The following DYNC1H1 variants were observed in gnomAD, a reference collection of about 807,000 sequenced individuals.
DYNC1H1 encodes the protein dynein cytoplasmic 1 heavy chain 1, also known as cytoplasmic dynein 1 heavy chain 1.
In DYNC1H1, 51 loss-of-function variants were observed where a neutral mutation model predicts 527.1. That is an observed-to-expected ratio of 0.10 (90% confidence interval 0.08 to 0.12). DYNC1H1 has a LOEUF of 0.12. Ranked by LOEUF, DYNC1H1 falls within the 10% of genes least tolerant of loss-of-function variation. The pLI is 1.00. For synonymous variants in DYNC1H1, 2,189 were observed against 2,278.8 expected, an observed-to-expected ratio of 0.96 and a Z score of 1.12; for missense variants, 2,771 against 5,971.8, an observed-to-expected ratio of 0.46 and a Z score of 17.66.
rs1272077310 is a variant in DYNC1H1 at position 101,995,291 on chromosome 14, G to A, written c.3555G>A (p.Lys1185=). Residue 1185 remains lysine, a synonymous_variant, in exon 15 of 78, where the codon AAG becomes AAA. Coordinates refer to ENST00000360184, the MANE Select transcript of DYNC1H1 (RefSeq NM_001376.5). ...AACGGAAGATCAAGCAGTTTGAGAA[G>A]CAAGTTGAGGTGAGCTCTGTGCATA... ...SLKRKIKQFE[K]QVELYRNGQR... is the part of the protein sequence containing the mutation. The A allele has an allele frequency of 1.2e-6, 2 of 1,614,096 alleles. No individual in the cohort carries two copies. Among genetic ancestry groups the A allele is most frequent in the South Asian group, 1.1e-5 (1 of 91,092 alleles).
rs1263873412 is a variant in DYNC1H1 at position 102,052,997 on chromosome 14, A to G, written c.*2434A>G. 1 of 152,186 alleles carries G rather than the reference A, an allele frequency of 6.6e-6. No homozygotes were observed. Among genetic ancestry groups the G allele is most frequent in the African/African-American group, 2.4e-5 (1 of 41,454 alleles). The allele number at this position is 152,186 out of a possible 1,614,324, so 9.4% of individuals were successfully genotyped here. On this transcript the variant is annotated 3_prime_UTR_variant, in exon 78 of 78. Coordinates refer to ENST00000360184, the MANE Select transcript of DYNC1H1 (RefSeq NM_001376.5). ...TTCCGAATCGCCATCATAAAGATCT[A>G]AAAGCTGAGGACAAAAGTGTTTCTC...
In DYNC1H1 at chr14:102,048,834, A is replaced by AGGG; in HGVS notation, c.13372+166_13372+167insGGG. On this transcript the variant is annotated intron_variant, in intron 74 of 77. Coordinates refer to ENST00000360184, the MANE Select transcript of DYNC1H1 (RefSeq NM_001376.5). ...TCAAGGTGGGCGGGGGGAGGGGAGG[A>AGGG]GCTTAGAAATGCTGAAGAATTTGTT... The AGGG allele has an allele frequency of 5.2e-6, 3 of 574,302 alleles. No individual in the cohort carries two copies. In the African/African-American group the frequency reaches 6.7e-5, roughly 13 times the overall value. The allele number at this position is 574,302 out of a possible 1,614,324, so 35.6% of individuals were successfully genotyped here. A position where few individuals can be genotyped will look rare whatever the true frequency, so the allele number is the denominator to read the frequency against.
intron 5 of DYNC1H1, among the ~76,000 whole-genome samples, chr14:101,981,774 T>C (rs1204441288): frequency 1.3e-5 from 2 of 152,216 alleles, no homozygotes; most frequent in Non-Finnish European, 2.9e-5. Flanking sequence ...TTCCTAATAC[T>C]TTTTTTGATC....
At position 102,009,873 on chromosome 14, in the gene DYNC1H1, A is replaced by G; in HGVS notation, c.6008A>G (p.Asn2003Ser). ...TSAPITCELL[N>S]KQVKVSPDMA... ...GCCCCCATTACTTGTGAGCTGCTGA[A>G]CAAACAAGTCAAGGTGAGCCCGGAC... Residue 2003 changes from asparagine to serine, a missense_variant, in exon 30 of 78, where the codon AAC becomes AGC. Physicochemically the swap from Asn to Ser is conservative, Grantham distance 46. Around this residue, in one of 32 missense-constraint regions of DYNC1H1, gnomAD observed 39 missense variants for 38.8 expected, o/e 1.00. Coordinates refer to ENST00000360184, the MANE Select transcript of DYNC1H1 (RefSeq NM_001376.5). The G allele has an allele frequency of 6.2e-7, 1 of 1,614,140 alleles. No individual in the cohort carries two copies. Among genetic ancestry groups the G allele is most frequent in the Non-Finnish European group, 8.5e-7 (1 of 1,180,016 alleles).
intron 43 of DYNC1H1, 135 bp downstream of exon 43, chr14:102,023,015 C>G (rs2048404321): frequency 1.4e-6 from 2 of 1,404,012 alleles, no homozygotes; most frequent in East Asian, 5.1e-5. Context: ...GTAATCCCAG[C>G]ACTTTGGGAG....
chr14:102,010,909 C>T lies in DYNC1H1; in HGVS notation c.6575C>T (p.Thr2192Ile), dbSNP rs749317390. ...AAAGTGTGTCAGGAGATGTATTTGA[C>T]ATATGGAGATGGAGAAGAAGTTGGT... The part of the protein sequence containing the change: ...LKKVCQEMYL[T>I]YGDGEEVGGM... The change falls in exon 32 of 78, where the codon ACA (threonine) becomes ATA (isoleucine). Residue 2192 changes from threonine (T) to isoleucine (I), a missense_variant. Thr to Ile is a moderately conservative substitution (Grantham distance 89). Around this residue, in one of 32 missense-constraint regions of DYNC1H1, gnomAD observed 56 missense variants for 140.6 expected, o/e 0.40. Transcript: ENST00000360184. The surrounding 1 kb of genome is among the most constrained non-coding windows in gnomAD (Gnocchi z 6.0). 7 of 1,614,218 alleles carry T rather than the reference C, an allele frequency of 4.3e-6. No individual in the cohort carries two copies. The East Asian group carries it at 1.6e-4, about 36-fold the overall frequency.
At position 102,052,769 on chromosome 14, in the gene DYNC1H1, G is replaced by C. The variant is rs561632769; in HGVS notation, c.*2206G>C. ...CCTCCTCCGCCATCCTCGAGTCCTCGGGCTACGTGCCCTCATCTTTGGCTT... is the reference window on the plus strand; with the variant it reads ...CCTCCTCCGCCATCCTCGAGTCCTCCGGCTACGTGCCCTCATCTTTGGCTT... On this transcript the variant is annotated 3_prime_UTR_variant, in exon 78 of 78. Transcript: ENST00000360184. 1 of 152,378 alleles carries C rather than the reference G, an allele frequency of 6.6e-6. No individual in the cohort carries two copies. Among genetic ancestry groups the C allele is most frequent in the South Asian group, 2.1e-4 (1 of 4,826 alleles). 9.4% of individuals were successfully genotyped at this position (152,378 alleles called of 1,614,324 possible). A position where few individuals can be genotyped will look rare whatever the true frequency, so the allele number is the denominator to read the frequency against.
rs1317442240 is a variant in DYNC1H1, at chr14:102,054,663, A to G, written c.*4100A>G. The G allele has an allele frequency of 6.7e-6, 1 of 150,102 alleles. No individual in the cohort carries two copies. The highest frequency in any genetic ancestry group is 1.5e-5 in the Non-Finnish European group (1 of 67,848). The allele number at this position is 150,102 out of a possible 1,614,324, so 9.3% of individuals were successfully genotyped here. On this transcript the variant is annotated 3_prime_UTR_variant, in exon 78 of 78. Coordinates refer to ENST00000360184, the MANE Select transcript of DYNC1H1 (RefSeq NM_001376.5). The stretch of plus-strand genomic sequence containing the variant: ...GGCTGACTGCAACCTCCGCCTCCCA[A>G]GTTCAAATGATTCTCCTACCTCAGC...
In DYNC1H1 at chr14:102,018,523, C is replaced by T. The variant is rs759096399; in HGVS notation, c.8250C>T (p.Thr2750=). 2 of 1,614,144 alleles carry T rather than the reference C, an allele frequency of 1.2e-6. No homozygotes were observed. Among genetic ancestry groups the T allele is most frequent in the Admixed American group, 1.7e-5 (1 of 60,032 alleles). ...GPASLTQIYG[T]FNRAMLRLIP... is the part of the protein sequence containing the mutation. ...CCTCCCTCACACAGATCTACGGCAC[C>T]TTCAACCGCGCCATGCTGAGGCTCA... Residue 2750 remains threonine (T), a synonymous_variant, in exon 41 of 78, where the codon ACC becomes ACT. Transcript: ENST00000360184. This position sits in a 1 kb window ranked among gnomAD's most constrained non-coding sequence, Gnocchi z 5.2.
At chr14:101,977,874 T>C (rs17511942) in intron 2 of DYNC1H1, among the ~76,000 whole-genome samples, 14,697 of 152,262 alleles carry the variant, frequency 0.097, 1,263 homozygotes, top group East Asian at 0.23. Context: ...TTTACAGTTA[T>C]ATGAAGTTTT....
chr14:102,033,306 T>C lies in DYNC1H1; in HGVS notation c.10235T>C (p.Leu3412Pro). The C allele has an allele frequency of 6.2e-7, 1 of 1,614,184 alleles. No homozygotes were observed. The highest frequency in any genetic ancestry group is 8.5e-7 in the Non-Finnish European group (1 of 1,180,038). ...GACATGTTAAAGAGAGTGGAGCCCCTACGCAATGAGCTGCAGAAGCTGGAA... is the reference window on the plus strand; with the variant it reads ...GACATGTTAAAGAGAGTGGAGCCCCCACGCAATGAGCTGCAGAAGCTGGAA... ...YADMLKRVEP[L>P]RNELQKLEDD... Residue 3412 changes from leucine to proline, a missense_variant, in exon 54 of 78, where the codon CTA becomes CCA. Transcript: ENST00000360184. The surrounding 1 kb of genome is among the most constrained non-coding windows in gnomAD (Gnocchi z 5.6).
rs1196167446 is a variant in DYNC1H1 at position 102,008,347 on chromosome 14, C to T, written c.5977+10C>T. On this transcript the variant is annotated intron_variant, in intron 29 of 77. Transcript: ENST00000360184. ...CCCAACTACGACAAGAGTAAGACAC[C>T]TCTTCTTCAAAAATTACTTAGAGAA... 3.7e-6 allele frequency: 6 copies of T among 1,613,882 alleles called. No individual in the cohort carries two copies. Among genetic ancestry groups the T allele is most frequent in the Non-Finnish European group, 5.1e-6 (6 of 1,179,970 alleles).
intron 1 of DYNC1H1, among the ~76,000 whole-genome samples, chr14:101,972,858 A>G (rs2047755612): frequency 6.6e-6 from 1 of 152,198 alleles, no homozygotes; most frequent in Non-Finnish European, 1.5e-5. Flanking sequence ...ATGGTAGAAC[A>G]ATATGGAAAA....
chr14:102,050,397 T>C (rs368833259), intron 77 of DYNC1H1, 38 bp from the exon 78 acceptor site: 7 of 1,614,048 alleles, frequency 4.3e-6, no homozygotes, highest in African/African-American at 1.3e-5. Context: ...TTTCTTACTT[T>C]TCCCTTAAGC....
Position 101,985,924 on chromosome 14 carries a change from C to T in DYNC1H1, c.1699C>T (p.Arg567Cys). 6.2e-7 allele frequency: 1 copy of T among 1,614,196 alleles called. No individual in the cohort carries two copies. The highest frequency in any genetic ancestry group is 1.1e-5 in the South Asian group (1 of 91,078). The change falls in exon 8 of 78, where the codon CGC (arginine) becomes TGC (cysteine). Residue 567 changes from arginine (R) to cysteine (C), a missense_variant. This residue lies in a region of DYNC1H1 where 264 missense variants were observed against 619.4 expected (regional missense o/e 0.43). Transcript: ENST00000360184. The surrounding 1 kb of genome is among the most constrained non-coding windows in gnomAD (Gnocchi z 5.9). ...IDRVETRITA[R>C]LRDQLGTAKN... ...CAGAGTGGAGACCCGGATCACCGCT[C>T]GCCTTCGGGATCAGCTTGGCACAGC...
At position 102,002,321 on chromosome 14, in the gene DYNC1H1, G is replaced by A. The variant is rs892228768; in HGVS notation, c.4543-216G>A. Among the ~76,000 whole-genome samples, 1 of 152,012 alleles carries A rather than the reference G, an allele frequency of 6.6e-6. No individual in the cohort carries two copies. The highest frequency in any genetic ancestry group is 1.5e-5 in the Non-Finnish European group (1 of 68,008). On this transcript the variant is annotated intron_variant, in intron 21 of 77. Coordinates refer to ENST00000360184, the MANE Select transcript of DYNC1H1 (RefSeq NM_001376.5). The surrounding 1 kb of genome is among the most constrained non-coding windows in gnomAD (Gnocchi z 4.4). ...AGACAGGGTTTCACCATGTTTGCCA[G>A]GCTGGTCTCAAACTTCTGACTTCAA...
chr14:101,995,961 G>C (rs1002271351), intron 15 of DYNC1H1, among the ~76,000 whole-genome samples: 1 of 151,882 alleles, frequency 6.6e-6, no homozygotes, highest in Admixed American at 6.6e-5. Context: ...CTACTCGGGA[G>C]GCTGAGGCAG....
intron 56 of DYNC1H1, chr14:102,035,908 G>A (rs888611003): frequency 1.3e-5 from 2 of 154,312 alleles, no homozygotes; most frequent in African/African-American, 4.8e-5. Context: ...TTTTGTAAAA[G>A]CTTGTGTGTA....
Position 102,038,353 on chromosome 14 carries a change from G to A in DYNC1H1, c.10909-107G>A. 2 of 1,530,192 alleles carry A rather than the reference G, an allele frequency of 1.3e-6. No homozygotes were observed. The highest frequency in any genetic ancestry group is 2.0e-5 in the Admixed American group (1 of 51,232). The allele number at this position is 1,530,192 out of a possible 1,614,324, so 94.8% of individuals were successfully genotyped here. A position where few individuals can be genotyped will look rare whatever the true frequency, so the allele number is the denominator to read the frequency against. ...TGGCCACCACACGCAAGTGGCGGGT[G>A]GCTTTTGGGAAGGTATGCTTATCCA... is the stretch of plus-strand genomic sequence containing the variant. On this transcript the variant is annotated intron_variant, in intron 57 of 77. Coordinates refer to ENST00000360184, the MANE Select transcript of DYNC1H1 (RefSeq NM_001376.5). This position sits in a 1 kb window ranked among gnomAD's most constrained non-coding sequence, Gnocchi z 7.2.
Sources: allele counts gnomAD v4.1 joint callset (sites outside exome capture counted in the v4.1 genomes callset), GRCh38; gene constraint gnomAD v4.1.1; regional missense constraint gnomAD v4.1.1; non-coding constraint Gnocchi (gnomAD v3.1); transcripts MANE v1.5; gene names NCBI Gene and HGNC (gene_info 2026-07-23, HGNC 2026-07-21).